MAST4: variants seen among roughly 807,000 people sequenced by gnomAD.
MAST4 encodes the protein microtubule-associated serine/threonine-protein kinase 4.
Under a neutral mutation model 162.7 loss-of-function variants are expected in MAST4, and 89 were observed. The ratio of observed to expected loss-of-function variants is 0.55; its 90% CI spans 0.46 to 0.65. The LOEUF (loss-of-function observed/expected upper bound fraction) is 0.65. Among genes scored for constraint, MAST4 ranks in the 30% least tolerant of loss-of-function variants. The probability of loss-of-function intolerance (pLI) is 0.00; values close to 1 mark genes in which losing one functional copy is unlikely to be tolerated. For missense variants in MAST4, 3,153 were observed against 3,374.0 expected, an observed-to-expected ratio of 0.93 and a Z score of 1.62; for synonymous variants, 1,479 against 1,361.1, an observed-to-expected ratio of 1.09 and a Z score of -1.91.
chr5:66,985,793 T>C (rs1749415929), intron 4 of MAST4, among the ~76,000 whole-genome samples: 1 of 152,076 alleles, frequency 6.6e-6, no homozygotes, highest in South Asian at 2.1e-4. Context: ...CCTATGTCGT[T>C]GAATTAGAAA....
intron 1 of MAST4, among the ~76,000 whole-genome samples, chr5:66,702,880 C>A (rs1336022023): frequency 6.6e-6 from 1 of 152,134 alleles, no homozygotes; most frequent in East Asian, 1.9e-4. Flanking sequence ...ATCACTCTGG[C>A]TGCTGTGTTG....
intron 4 of MAST4, among the ~76,000 whole-genome samples, chr5:66,942,195 A>G (rs1561465085): frequency 2.0e-5 from 3 of 152,116 alleles, no homozygotes; most frequent in Admixed American, 1.3e-4. Context: ...AAAAAATGCA[A>G]TTTTCTGCAG....
intron 17 of MAST4, among the ~76,000 whole-genome samples, chr5:67,134,015 CG>C (rs1769315551): frequency 6.6e-6 from 1 of 152,132 alleles, no homozygotes; most frequent in Non-Finnish European, 1.5e-5. Context: ...ATCCAAGCCA[CG>C]GCCCATTTCC....
chr5:67,124,781 TCAAA>T (rs1768012868), intron 14 of MAST4, among the ~76,000 whole-genome samples: 2 of 152,196 alleles, frequency 1.3e-5, no homozygotes, highest in African/African-American at 4.8e-5. Flanking sequence ...AAGCAGAAAG[TCAAA>T]CAAAGTTTTA....
At chr5:67,129,390 G>GT (rs1768656605) in intron 14 of MAST4, among the ~76,000 whole-genome samples, 1 of 152,112 alleles carries the variant, frequency 6.6e-6, no homozygotes, top group Admixed American at 6.5e-5. Flanking sequence ...AAGCTATGGG[G>GT]TTTTTTGTGG....
chr5:66,640,469 G>T (rs958553214), intron 1 of MAST4, among the ~76,000 whole-genome samples: 2 of 152,088 alleles, frequency 1.3e-5, no homozygotes, highest in Non-Finnish European at 2.9e-5. Context: ...CTCCACGCCT[G>T]GCTAATTTTT....
chr5:66,719,842 G>A (rs536040223), intron 1 of MAST4, among the ~76,000 whole-genome samples: 1 of 151,100 alleles, frequency 6.6e-6, no homozygotes, highest in Non-Finnish European at 1.5e-5. Flanking sequence ...TTTGTTTTTT[G>A]TTTCAGAAAG....
chr5:67,051,613 G>A (rs888682142), intron 4 of MAST4, among the ~76,000 whole-genome samples: 4 of 152,122 alleles, frequency 2.6e-5, no homozygotes, highest in Non-Finnish European at 5.9e-5. Flanking sequence ...ACTGAGATTG[G>A]ATGACTCTTC....
chr5:66,628,414 G>A (rs1744586428), intron 1 of MAST4, among the ~76,000 whole-genome samples: 1 of 151,526 alleles, frequency 6.6e-6, no homozygotes, highest in African/African-American at 2.4e-5. Flanking sequence ...GATGTAGGGG[G>A]AAAATGCTGC....
At chr5:66,721,115 C>T (rs140935224) in intron 1 of MAST4, among the ~76,000 whole-genome samples, 293 of 152,340 alleles carry the variant, frequency 1.9e-3, no homozygotes, top group African/African-American at 6.4e-3. Context: ...CTTTCCTTCT[C>T]TCCTGCATTG....
intron 1 of MAST4, among the ~76,000 whole-genome samples, chr5:66,685,206 T>A (rs1039722830): frequency 2.6e-5 from 4 of 152,022 alleles, no homozygotes; most frequent in African/African-American, 7.2e-5. Context: ...GTGGTTGCAG[T>A]GAGCTGAGAT....
chr5:66,961,562 T>C (rs1380719988), intron 4 of MAST4, among the ~76,000 whole-genome samples: 1 of 152,252 alleles, frequency 6.6e-6, no homozygotes, highest in Non-Finnish European at 1.5e-5. Flanking sequence ...AAGTTGTTAA[T>C]TTATACAGAA....
At chr5:67,012,693 ATACATTGTAGTTCTGG>A (rs1437178783) in intron 4 of MAST4, among the ~76,000 whole-genome samples, 7 of 152,188 alleles carry the variant, frequency 4.6e-5, no homozygotes, top group Non-Finnish European at 1.5e-5. Flanking sequence ...TCAAAAGTTC[ATACATTGTAGTTCTGG>A]TACTGTCCTT....
chr5:66,952,051 G>T (rs1744772620), intron 4 of MAST4, among the ~76,000 whole-genome samples: 1 of 152,002 alleles, frequency 6.6e-6, no homozygotes, highest in Non-Finnish European at 1.5e-5. Context: ...TTATTTCATT[G>T]TTCATGTGGA....
intron 1 of MAST4, among the ~76,000 whole-genome samples, chr5:66,690,824 G>A (rs544114263): frequency 5.9e-5 from 9 of 152,280 alleles, no homozygotes; most frequent in Admixed American, 2.6e-4. Flanking sequence ...GAACATGAAG[G>A]TGTTCACTGG....
At chr5:66,716,025 A>G (rs937871614) in intron 1 of MAST4, among the ~76,000 whole-genome samples, 2 of 152,118 alleles carry the variant, frequency 1.3e-5, no homozygotes, top group Non-Finnish European at 2.9e-5. Flanking sequence ...TTTCATAACT[A>G]TTTTTGTTGC....
chr5:66,781,041 A>G (rs1477154470), intron 2 of MAST4, among the ~76,000 whole-genome samples: 1 of 152,224 alleles, frequency 6.6e-6, no homozygotes, highest in African/African-American at 2.4e-5. Context: ...CACAAGTCAG[A>G]GGTACCTTCC....
chr5:67,151,862 G>A (rs1332779608), intron 24 of MAST4, among the ~76,000 whole-genome samples: 1 of 149,502 alleles, frequency 6.7e-6, no homozygotes, highest in Admixed American at 6.7e-5. Context: ...CGACCTCCCA[G>A]GCTTAGGTGA....
chr5:66,986,486 A>G, intron 4 of MAST4: 3 of 1,569,398 alleles, frequency 1.9e-6, no homozygotes, highest in African/African-American at 1.3e-5. Flanking sequence ...CCCTTGGATG[A>G]ATTGCCACCA....
Sources: allele counts gnomAD v4.1 joint callset (sites outside exome capture counted in the v4.1 genomes callset), GRCh38; gene constraint gnomAD v4.1.1; transcripts MANE v1.5; gene names NCBI Gene and HGNC (gene_info 2026-07-23, HGNC 2026-07-21).